The following GSAP variants were observed in gnomAD, a reference collection of about 807,000 sequenced individuals.
GSAP encodes gamma-secretase activating protein.
A neutral mutation model predicts 131.7 loss-of-function variants in GSAP; 118 were observed. The ratio of observed to expected loss-of-function variants is 0.90; its 90% CI spans 0.77 to 1.04. The LOEUF is 1.04. GSAP is among the 50% of genes least tolerant of loss of function. The pLI is 0.00. For synonymous variants in GSAP, 381 were observed against 363.4 expected (o/e 1.05, Z -0.55); for missense variants, 1,019 against 1,013.2 (o/e 1.01, Z -0.08).
rs1203692055 is a variant in GSAP, at chr7:77,311,326, T to G, written c.*32A>C. ...GTAAGGTTAATGAGCAAGATTAAAA[T>G]GGCAGCAGCAGATCCAATTGCGTTT... is the stretch of plus-strand genomic sequence containing the variant. On this transcript the variant is annotated 3_prime_UTR_variant, in exon 31 of 31. Coordinates refer to ENST00000257626, the MANE Select transcript of GSAP (RefSeq NM_017439.4). The G allele has an allele frequency of 1.7e-6, 2 of 1,211,474 alleles. No individual in the cohort carries two copies. The highest frequency in any genetic ancestry group is 2.5e-6 in the Non-Finnish European group (2 of 814,528). The allele number at this position is 1,211,474 out of a possible 1,614,324, so 75.0% of individuals were successfully genotyped here.
chr7:77,357,876 T>C (rs903632145), intron 14 of GSAP, among the ~76,000 whole-genome samples: 3 of 152,312 alleles, frequency 2.0e-5, no homozygotes, highest in African/African-American at 7.2e-5. Context: ...TTGTGGTGTT[T>C]GAAGTTCTAA....
intron 8 of GSAP, among the ~76,000 whole-genome samples, chr7:77,379,505 G>C (rs570561368): frequency 6.6e-6 from 1 of 152,138 alleles, no homozygotes; most frequent in East Asian, 1.9e-4. Context: ...GCACCATCCT[G>C]AATTGCAGAA....
At chr7:77,334,492 G>T (rs1372466248) in intron 19 of GSAP, among the ~76,000 whole-genome samples, 2 of 149,692 alleles carry the variant, frequency 1.3e-5, no homozygotes, top group African/African-American at 4.9e-5. Context: ...TAGGTGATGG[G>T]TTGAGAGGTG....
intron 19 of GSAP, among the ~76,000 whole-genome samples, chr7:77,347,482 G>A (rs1048424521): frequency 6.6e-6 from 1 of 152,126 alleles, no homozygotes; most frequent in African/African-American, 2.4e-5. Context: ...CACACATTTG[G>A]TAACAGAAGT....
At chr7:77,413,495 G>A (rs1394512095) in intron 1 of GSAP, among the ~76,000 whole-genome samples, 2 of 152,188 alleles carry the variant, frequency 1.3e-5, no homozygotes, top group East Asian at 1.9e-4. Flanking sequence ...GTCCACCATC[G>A]TGTTGAATTC....
At position 77,381,274 on chromosome 7, in the gene GSAP, C is replaced by G. The variant is rs771557725; in HGVS notation, c.576+31G>C. ...TACTTCTTTGTGGGGAAAAAAAAAC[C>G]TATGAAGCGAAAAGAATTTCAAATC... On this transcript the variant is annotated intron_variant, in intron 8 of 30. Transcript: ENST00000257626. 4.4e-6 allele frequency: 6 copies of G among 1,362,976 alleles called. No homozygotes were observed. In the African/African-American group the frequency reaches 7.4e-5, roughly 17 times the overall value. The allele number at this position is 1,362,976 out of a possible 1,614,324, so 84.4% of individuals were successfully genotyped here. A position where few individuals can be genotyped will look rare whatever the true frequency, so the allele number is the denominator to read the frequency against.
At chr7:77,344,633 G>C (rs1301633566) in intron 19 of GSAP, among the ~76,000 whole-genome samples, 1 of 152,178 alleles carries the variant, frequency 6.6e-6, no homozygotes, top group Non-Finnish European at 1.5e-5. Flanking sequence ...ATCACAGCTA[G>C]TATCTCCTGG....
chr7:77,367,755 G>C (rs146935754), intron 12 of GSAP, among the ~76,000 whole-genome samples: 50 of 152,234 alleles, frequency 3.3e-4, no homozygotes, highest in African/African-American at 1.2e-3. Flanking sequence ...TCAATTTTTT[G>C]AAAGGGTTTC....
intron 3 of GSAP, among the ~76,000 whole-genome samples, chr7:77,400,131 C>G (rs566579656): frequency 1.7e-4 from 26 of 152,302 alleles, no homozygotes; most frequent in Non-Finnish European, 3.4e-4. Flanking sequence ...AACTTAGACT[C>G]CCACCTTTGC....
chr7:77,364,013 T>C (rs1794912626), intron 12 of GSAP, among the ~76,000 whole-genome samples: 1 of 152,192 alleles, frequency 6.6e-6, no homozygotes, highest in Non-Finnish European at 1.5e-5. Context: ...CATTCTTTTA[T>C]ATACTATAAT....
chr7:77,335,407 G>A (rs1048142405), intron 19 of GSAP, among the ~76,000 whole-genome samples: 1 of 151,982 alleles, frequency 6.6e-6, no homozygotes, highest in African/African-American at 2.4e-5. Flanking sequence ...TAAAAAGCAC[G>A]GCAAAGAAAA....
intron 12 of GSAP, among the ~76,000 whole-genome samples, chr7:77,370,305 A>C (rs919233174): frequency 6.6e-6 from 1 of 152,038 alleles, no homozygotes; most frequent in African/African-American, 2.4e-5. Flanking sequence ...TAAAAATACA[A>C]AAAAAATTAG....
At chr7:77,380,599 T>G (rs984585272) in intron 8 of GSAP, among the ~76,000 whole-genome samples, 1 of 151,966 alleles carries the variant, frequency 6.6e-6, no homozygotes, top group Non-Finnish European at 1.5e-5. Flanking sequence ...CAAAGCTGAA[T>G]GAGTAAAAAA....
chr7:77,328,444 G>T, intron 22 of GSAP, 162 bp downstream of exon 22: 1 of 1,360,148 alleles, frequency 7.4e-7, no homozygotes. Context: ...ACAGACATGG[G>T]AAGAGCCGTG....
At chr7:77,322,593 T>TG (rs1787815312) in intron 24 of GSAP, among the ~76,000 whole-genome samples, 1 of 135,928 alleles carries the variant, frequency 7.4e-6, no homozygotes, top group South Asian at 2.5e-4. Flanking sequence ...TTTTTTTTTT[T>TG]TTTTTTTTTT....
intron 12 of GSAP, among the ~76,000 whole-genome samples, chr7:77,369,782 T>TAA (rs145135654): frequency 6.6e-6 from 1 of 152,068 alleles, no homozygotes; most frequent in Non-Finnish European, 1.5e-5. Context: ...ACAACAAAGG[T>TAA]AAAAAAACAC....
At chr7:77,394,041 C>T (rs1242918366) in intron 5 of GSAP, among the ~76,000 whole-genome samples, 2 of 152,196 alleles carry the variant, frequency 1.3e-5, no homozygotes, top group African/African-American at 2.4e-5. Flanking sequence ...CCTTGCTTCA[C>T]TTTACCAGTC....
chr7:77,382,120 T>C (rs74920662), intron 7 of GSAP, among the ~76,000 whole-genome samples: 1,731 of 151,634 alleles, frequency 0.011, 32 homozygotes, highest in African/African-American at 0.039. Context: ...CTAAACTTAT[T>C]TGCCTCTACC....
At chr7:77,407,188 T>A (rs762117865) in intron 1 of GSAP, among the ~76,000 whole-genome samples, 7 of 152,246 alleles carry the variant, frequency 4.6e-5, no homozygotes, top group Non-Finnish European at 8.8e-5. Flanking sequence ...GTTTTTAATA[T>A]AGGAGCTGGA....
Sources: gnomAD v4.1 joint callset for allele counts (sites outside exome capture counted in the v4.1 genomes callset) on GRCh38, gnomAD v4.1.1 for gene constraint, MANE v1.5 for transcripts, NCBI Gene and HGNC (gene_info 2026-07-23, HGNC 2026-07-21) for gene names.